PXDNL: variants seen among roughly 807,000 people sequenced by gnomAD.
PXDNL encodes probable oxidoreductase PXDNL.
A neutral mutation model predicts 150.8 loss-of-function variants in PXDNL; 145 were observed. That is an observed-to-expected ratio of 0.96 (90% CI 0.84 to 1.10). PXDNL has a LOEUF of 1.10. Ranked by LOEUF, PXDNL falls within the 50% of genes least tolerant of loss-of-function variation. PXDNL has a pLI of 0.00. For missense variants in PXDNL, 2,087 were observed against 1,873.9 expected (o/e 1.11, Z -2.10); for synonymous variants, 757 against 725.7 (o/e 1.04, Z -0.69).
intron 2 of PXDNL, among the ~76,000 whole-genome samples, chr8:51,639,263 C>T (rs999983414): frequency 3.3e-5 from 5 of 152,162 alleles, no homozygotes; most frequent in Admixed American, 6.5e-5. Context: ...AGATCTAAAA[C>T]TGACACCCTA....
At chr8:51,481,486 C>T (rs1653347681) in intron 6 of PXDNL, among the ~76,000 whole-genome samples, 1 of 152,212 alleles carries the variant, frequency 6.6e-6, no homozygotes, top group South Asian at 2.1e-4. Flanking sequence ...TTCAAGCTGG[C>T]TGCAGAAATA....
At chr8:51,669,964 C>T (rs1309861860) in intron 1 of PXDNL, among the ~76,000 whole-genome samples, 3 of 152,146 alleles carry the variant, frequency 2.0e-5, no homozygotes, top group South Asian at 2.1e-4. Flanking sequence ...AGGCTGAGCA[C>T]GGTGGCTCAT....
At chr8:51,640,596 C>T in intron 2 of PXDNL, among the ~76,000 whole-genome samples, 1 of 152,172 alleles carries the variant, frequency 6.6e-6, no homozygotes, top group East Asian at 1.9e-4. Flanking sequence ...AGTGAACTCC[C>T]ATTCACAATT....
intron 5 of PXDNL, among the ~76,000 whole-genome samples, chr8:51,485,243 TA>T (rs900535381): frequency 3.3e-5 from 5 of 152,164 alleles, no homozygotes; most frequent in African/African-American, 9.7e-5. Context: ...TCTGAGAAGA[TA>T]AAAAGTTTTC....
intron 19 of PXDNL, among the ~76,000 whole-genome samples, chr8:51,354,992 A>G (rs1806460705): frequency 6.6e-6 from 1 of 152,112 alleles, no homozygotes; most frequent in African/African-American, 2.4e-5. Flanking sequence ...CCTTGATTTC[A>G]ACAAGTTTTT....
chr8:51,415,084 T>C (rs1178954302), intron 14 of PXDNL, among the ~76,000 whole-genome samples: 1 of 152,162 alleles, frequency 6.6e-6, no homozygotes, highest in Non-Finnish European at 1.5e-5. Context: ...AGTTGTTACT[T>C]TGTAATATTG....
chr8:51,526,771 G>T (rs1460647808), intron 4 of PXDNL, among the ~76,000 whole-genome samples: 1 of 152,154 alleles, frequency 6.6e-6, no homozygotes, highest in Non-Finnish European at 1.5e-5. Context: ...GAGAGTGCCT[G>T]GACCACCATT....
chr8:51,612,413 C>G (rs770613517), intron 2 of PXDNL, among the ~76,000 whole-genome samples: 2 of 152,200 alleles, frequency 1.3e-5, no homozygotes, highest in South Asian at 2.1e-4. Context: ...CTGAGTATCT[C>G]TCTCCACGCA....
chr8:51,483,907 A>G (rs1585511680), intron 5 of PXDNL, among the ~76,000 whole-genome samples, 193 bp from the exon 6 acceptor site: 1 of 152,150 alleles, frequency 6.6e-6, no homozygotes, highest in East Asian at 1.9e-4. Context: ...TACCACTACT[A>G]TATGGGTATT....
At chr8:51,597,317 T>C (rs1409526443) in intron 2 of PXDNL, among the ~76,000 whole-genome samples, 1 of 152,202 alleles carries the variant, frequency 6.6e-6, no homozygotes, top group Admixed American at 6.5e-5. Context: ...CCTTCTAATA[T>C]AGTTTGAAGT....
Position 51,408,021 on chromosome 8 carries a change from C to CAG in PXDNL, c.3557+45_3557+46insCT. The CAG allele has an allele frequency of 2.7e-6, 4 of 1,505,880 alleles. No individual in the cohort carries two copies. In the South Asian group the frequency reaches 5.4e-5, roughly 20 times the overall value. The allele number at this position is 1,505,880 out of a possible 1,614,324, so 93.3% of individuals were successfully genotyped here. On this transcript the variant is annotated intron_variant, in intron 17 of 22. Transcript: ENST00000356297. ...CACAAAATGACCTTTAACACTTTTA[C>CAG]CTCTCCTAAGAAATGTTTAAATCCA...
chr8:51,657,853 C>T (rs529642555), intron 1 of PXDNL, among the ~76,000 whole-genome samples: 1 of 152,154 alleles, frequency 6.6e-6, no homozygotes, highest in Non-Finnish European at 1.5e-5. Context: ...TCAGAATTCC[C>T]TTCTTGTTTT....
chr8:51,677,138 G>A (rs947177295), intron 1 of PXDNL, among the ~76,000 whole-genome samples: 1 of 152,130 alleles, frequency 6.6e-6, no homozygotes, highest in African/African-American at 2.4e-5. Flanking sequence ...CATTTGTTTT[G>A]GTGAAGTGGA....
intron 1 of PXDNL, among the ~76,000 whole-genome samples, chr8:51,741,541 GA>G (rs1184059437): frequency 2.0e-5 from 3 of 152,042 alleles, no homozygotes. Context: ...CGCAAAATTT[GA>G]AAAAGAAGAA....
intron 1 of PXDNL, among the ~76,000 whole-genome samples, chr8:51,736,485 A>G (rs1447344704): frequency 6.6e-6 from 1 of 152,248 alleles, no homozygotes; most frequent in African/African-American, 2.4e-5. Context: ...TCAACAGGGT[A>G]CAGCCAATCA....
chr8:51,686,585 T>G (rs922173297), intron 1 of PXDNL, among the ~76,000 whole-genome samples: 1 of 152,212 alleles, frequency 6.6e-6, no homozygotes, highest in Non-Finnish European at 1.5e-5. Flanking sequence ...GTAGTTTTTA[T>G]AATCGTGTTG....
At chr8:51,581,261 C>G (rs955368058) in intron 3 of PXDNL, among the ~76,000 whole-genome samples, 1 of 152,060 alleles carries the variant, frequency 6.6e-6, no homozygotes, top group East Asian at 1.9e-4. Context: ...CCAAGACGGG[C>G]AGATTGCCTG....
chr8:51,539,934 C>T (rs1234267133), intron 4 of PXDNL, among the ~76,000 whole-genome samples: 1 of 145,322 alleles, frequency 6.9e-6, no homozygotes, highest in African/African-American at 2.6e-5. Flanking sequence ...CAGTTATCTA[C>T]TACCTTTTTT....
chr8:51,492,785 A>G (rs1810927611), intron 5 of PXDNL, among the ~76,000 whole-genome samples: 1 of 152,168 alleles, frequency 6.6e-6, no homozygotes, highest in Admixed American at 6.5e-5. Flanking sequence ...AGCAGCCCAG[A>G]AGCTCGAACT....
Sources: allele counts gnomAD v4.1 joint callset (sites outside exome capture counted in the v4.1 genomes callset), GRCh38; gene constraint gnomAD v4.1.1; transcripts MANE v1.5; gene names NCBI Gene and HGNC (gene_info 2026-07-23, HGNC 2026-07-21).